Variants in KMT2A observed in about 807,000 individuals in gnomAD.
KMT2A encodes lysine methyltransferase 2A.
In KMT2A, 16 loss-of-function variants were observed where a neutral mutation model predicts 345.3. The observed-to-expected ratio is 0.05, with a 90% CI of 0.03 to 0.07. The LOEUF (loss-of-function observed/expected upper bound fraction) is 0.07. Ranked by LOEUF, KMT2A falls within the 10% of genes least tolerant of loss-of-function variation. The probability of loss-of-function intolerance (pLI) is 1.00; values close to 1 mark genes in which losing one functional copy is unlikely to be tolerated. For missense variants in KMT2A, 3,272 were observed against 4,841.6 expected, an observed-to-expected ratio of 0.68 and a Z score of 9.62; for synonymous variants, 1,599 against 1,778.6, an observed-to-expected ratio of 0.90 and a Z score of 2.54.
Position 118,476,083 on chromosome 11 carries a change from T to G in KMT2A, c.3157-722T>G, listed in dbSNP as rs181901354. On this transcript the variant is annotated intron_variant, in intron 3 of 35. Coordinates refer to ENST00000534358, the MANE Select transcript of KMT2A (RefSeq NM_001197104.2). The surrounding 1 kb of genome is among the most constrained non-coding windows in gnomAD (Gnocchi z 4.1). ...ACCACGCCCAGCTAATTTTGTATTT[T>G]TAGTAGAGACAGGGTTTCTCCATGT... Among the ~76,000 whole-genome samples the G allele has an allele frequency of 1.1e-3, 167 of 152,116 alleles. 2 individuals carry two copies. The highest frequency in any genetic ancestry group is 3.7e-3 in the African/African-American group (153 of 41,508).
At position 118,525,460 on chromosome 11, in the gene KMT2A, A is replaced by G; in HGVS notation, c.*3288A>G. The stretch of plus-strand genomic sequence containing the variant: ...CAGCCCCTCTGTTTTTACACCAATA[A>G]CAAGAATTAAGGGGGAAGCCCTGGC... On this transcript the variant is annotated 3_prime_UTR_variant, in exon 36 of 36. Transcript: ENST00000534358. 1 of 227,608 alleles carries G rather than the reference A, an allele frequency of 4.4e-6. No individual in the cohort carries two copies. 14.1% of individuals were successfully genotyped at this position (227,608 alleles called of 1,614,324 possible).
At chr11:118,455,706 A>AT (rs1254101156) in intron 1 of KMT2A, among the ~76,000 whole-genome samples, 25 of 144,168 alleles carry the variant, frequency 1.7e-4, no homozygotes, top group African/African-American at 2.6e-4. Flanking sequence ...TTATTTATTT[A>AT]TTTTTTTTTG....
In KMT2A at chr11:118,521,804, G is replaced by A. The variant is rs782249194; in HGVS notation, c.11644-93G>A. ...TTTACTAGAAGAAACTTTCTCAGCC[G>A]CTATAGGTAACATCAAGAGAAGATT... On this transcript the variant is annotated intron_variant, in intron 35 of 35. Coordinates refer to ENST00000534358, the MANE Select transcript of KMT2A (RefSeq NM_001197104.2). This position sits in a 1 kb window ranked among gnomAD's most constrained non-coding sequence, Gnocchi z 5.3. 5.7e-5 allele frequency: 76 copies of A among 1,336,682 alleles called. No individual in the cohort carries two copies. The highest frequency in any genetic ancestry group is 6.8e-5 in the Non-Finnish European group (66 of 967,400). 82.8% of individuals were successfully genotyped at this position (1,336,682 alleles called of 1,614,324 possible). A position where few individuals can be genotyped will look rare whatever the true frequency, so the allele number is the denominator to read the frequency against.
intron 1 of KMT2A, among the ~76,000 whole-genome samples, chr11:118,454,539 T>C (rs1555030077): frequency 6.6e-6 from 1 of 152,236 alleles, no homozygotes; most frequent in Admixed American, 6.5e-5. Flanking sequence ...TACTCCACTC[T>C]GTTGTTGTAA....
At position 118,504,852 on chromosome 11, in the gene KMT2A, C is replaced by A; in HGVS notation, c.8960C>A (p.Thr2987Asn). 6.2e-7 allele frequency: 1 copy of A among 1,614,212 alleles called. No individual in the cohort carries two copies. Among genetic ancestry groups the A allele is most frequent in the Non-Finnish European group, 8.5e-7 (1 of 1,180,038 alleles). Residue 2987 changes from threonine to asparagine, a missense_variant, in exon 27 of 36, where the codon ACT becomes AAT. Physicochemically the swap from Thr to Asn is moderately conservative, Grantham distance 65 (BLOSUM62 0). Transcript: ENST00000534358. The surrounding 1 kb of genome is among the most constrained non-coding windows in gnomAD (Gnocchi z 6.4). ...CTGCTGAGCCCAGGAGTAGATCCAA[C>A]TCCTGAAGGCCACATGACTCCTGAT... Reference protein sequence around the residue: ...PALLSPGVDPTPEGHMTPDHF... With the variant: ...PALLSPGVDPNPEGHMTPDHF...
chr11:118,496,016 T>A lies in KMT2A; in HGVS notation c.5557+123T>A. On this transcript the variant is annotated intron_variant, in intron 19 of 35. Transcript: ENST00000534358. The surrounding 1 kb of genome is among the most constrained non-coding windows in gnomAD (Gnocchi z 4.7). ...CAGAAAGGAATTTTCAGGTCATCCT[T>A]AAATGTAATACCATCATTAATTTTG... The A allele has an allele frequency of 1.1e-6, 1 of 887,544 alleles. No individual in the cohort carries two copies. Among genetic ancestry groups the A allele is most frequent in the Non-Finnish European group, 1.8e-6 (1 of 566,194 alleles). The allele number at this position is 887,544 out of a possible 1,614,324, so 55.0% of individuals were successfully genotyped here. A position where few individuals can be genotyped will look rare whatever the true frequency, so the allele number is the denominator to read the frequency against.
In KMT2A at chr11:118,472,748, G is replaced by T. The variant is rs1555036085; in HGVS notation, c.1589G>T (p.Arg530Met). The change falls in exon 3 of 36, where the codon AGG becomes ATG. Residue 530 changes from arginine to methionine, a missense_variant. Around this residue, in one of 27 missense-constraint regions of KMT2A, gnomAD observed 180 missense variants for 190.7 expected, o/e 0.94. Transcript: ENST00000534358. ...GAGAGTAATGATAGGAGAAGCAGAA[G>T]GTATTCAGTGTCGGAGAGAAGTTTT... ...ENESNDRRSR[R>M]YSVSERSFGS... 1.9e-6 allele frequency: 3 copies of T among 1,613,620 alleles called. No individual in the cohort carries two copies. The highest frequency in any genetic ancestry group is 2.5e-6 in the Non-Finnish European group (3 of 1,179,940).
rs782414402 is a variant in KMT2A at position 118,436,747 on chromosome 11, G to T, written c.235G>T (p.Ala79Ser). 1 of 1,588,174 alleles carries T rather than the reference G, an allele frequency of 6.3e-7. No homozygotes were observed. Among genetic ancestry groups the T allele is most frequent in the East Asian group, 2.4e-5 (1 of 42,398 alleles). The change falls in exon 1 of 36, where the codon GCC (alanine) becomes TCC (serine). Residue 79 changes from alanine to serine, a missense_variant. Ala to Ser is a moderately conservative substitution (Grantham distance 99). This residue lies in a region of KMT2A where 412 missense variants were observed against 511.0 expected (regional missense o/e 0.81). Transcript: ENST00000534358. The surrounding 1 kb of genome is among the most constrained non-coding windows in gnomAD (Gnocchi z 6.9). ...SSGAGVPGGA[A>S]AASAASSSSA... ...CGGGGCTGGGGTTCCAGGGGGAGCG[G>T]CCGCCGCCTCAGCAGCCTCCTCGTC...
chr11:118,503,255 G>T lies in KMT2A; in HGVS notation c.7363G>T (p.Val2455Leu). ...SSKSFLEPGQ[V>L]TTGEEGNLKP... ...TAAATCTTTTTTGGAACCTGGTCAG[G>T]TGACAACTGGTGAGGAAGGAAACTT... Residue 2455 changes from valine (V) to leucine (L), a missense_variant, in exon 27 of 36, where the codon GTG (valine) becomes TTG (leucine). Val to Leu is a conservative substitution (Grantham distance 32, BLOSUM62 1). This residue lies in a region of KMT2A where 445 missense variants were observed against 500.9 expected (regional missense o/e 0.89). Transcript: ENST00000534358. The surrounding 1 kb of genome is among the most constrained non-coding windows in gnomAD (Gnocchi z 5.3). 6.2e-7 allele frequency: 1 copy of T among 1,614,132 alleles called. No homozygotes were observed. The highest frequency in any genetic ancestry group is 8.5e-7 in the Non-Finnish European group (1 of 1,180,030).
chr11:118,491,630 C>A lies in KMT2A; in HGVS notation c.4820-114C>A. On this transcript the variant is annotated intron_variant, in intron 14 of 35. Coordinates refer to ENST00000534358, the MANE Select transcript of KMT2A (RefSeq NM_001197104.2). The surrounding 1 kb of genome is among the most constrained non-coding windows in gnomAD (Gnocchi z 4.2). ...GTCATATCCATGAGGACATTAAAAT[C>A]TTAATGTGGTTCCCAACATATGGCT... The A allele has an allele frequency of 1.2e-6, 1 of 812,704 alleles. No individual in the cohort carries two copies. Among genetic ancestry groups the A allele is most frequent in the Non-Finnish European group, 1.9e-6 (1 of 528,268 alleles). 50.3% of individuals were successfully genotyped at this position (812,704 alleles called of 1,614,324 possible).
chr11:118,481,672 A>G, intron 6 of KMT2A, 43 bp from the exon 7 acceptor site: 3 of 1,543,992 alleles, frequency 1.9e-6, no homozygotes, highest in Non-Finnish European at 2.6e-6. Context: ...AAATAAAATT[A>G]TTCTCACTAT....
rs782099821 is a variant in KMT2A at position 118,476,342 on chromosome 11, A to T, written c.3157-463A>T. On this transcript the variant is annotated intron_variant, in intron 3 of 35. Coordinates refer to ENST00000534358, the MANE Select transcript of KMT2A (RefSeq NM_001197104.2). The surrounding 1 kb of genome is among the most constrained non-coding windows in gnomAD (Gnocchi z 4.1). ...ACTGGCAGCTTGAATTTTGAGGGGA[A>T]TTTAAAATAGTAGTATAATTGGGAA... Among the ~76,000 whole-genome samples, 8 of 152,204 alleles carry T rather than the reference A, an allele frequency of 5.3e-5. No individual in the cohort carries two copies. The highest frequency in any genetic ancestry group is 7.3e-5 in the Non-Finnish European group (5 of 68,042).
In KMT2A at chr11:118,476,828, G is replaced by T. The variant is rs782157422; in HGVS notation, c.3180G>T (p.Glu1060Asp). Residue 1060 changes from glutamate to aspartate, a missense_variant, in exon 4 of 36, where the codon GAG (glutamate) becomes GAT (aspartate). By Grantham distance (45) the Glu-to-Asp change is conservative. Transcript: ENST00000534358. This position sits in a 1 kb window ranked among gnomAD's most constrained non-coding sequence, Gnocchi z 4.1. The stretch of plus-strand genomic sequence containing the variant: ...AGGGTCAAGAAAGTGACTCATCAGA[G>T]ACCTCTGTGCGAGGACCCCGGATTA... ...KAQGQESDSS[E>D]TSVRGPRIKH... is the part of the protein sequence containing the mutation. 5.0e-6 allele frequency: 8 copies of T among 1,611,118 alleles called. No individual in the cohort carries two copies. Among genetic ancestry groups the T allele is most frequent in the South Asian group, 1.1e-5 (1 of 91,020 alleles).
rs1468409264 is a variant in KMT2A at position 118,509,809 on chromosome 11, T to G, written c.10901-139T>G. 9.8e-6 allele frequency: 6 copies of G among 613,400 alleles called. No individual in the cohort carries two copies. The African/African-American group carries it at 1.1e-4, about 12-fold the overall frequency. 38.0% of individuals were successfully genotyped at this position (613,400 alleles called of 1,614,324 possible). On this transcript the variant is annotated intron_variant, in intron 29 of 35. Coordinates refer to ENST00000534358, the MANE Select transcript of KMT2A (RefSeq NM_001197104.2). Reference sequence around the variant, plus strand: ...AGGCAAGCTCTTTGAGTCTTGGGTTTGTTATCTATAAATGGGAATAATAAA... The same window carrying G: ...AGGCAAGCTCTTTGAGTCTTGGGTTGGTTATCTATAAATGGGAATAATAAA...
Position 118,447,667 on chromosome 11 carries a change from C to A in KMT2A, c.432+10723C>A, listed in dbSNP as rs1393576080. ...GGATGAGGAGACCTTGGAGACGGTT[C>A]TGAGGAGACTCAAAAGATGATTATA... is the stretch of plus-strand genomic sequence containing the variant. On this transcript the variant is annotated intron_variant, in intron 1 of 35. Coordinates refer to ENST00000534358, the MANE Select transcript of KMT2A (RefSeq NM_001197104.2). The A allele has an allele frequency of 6.6e-6, 3 of 453,026 alleles. No homozygotes were observed. In the East Asian group the frequency reaches 2.1e-4, roughly 32 times the overall value. 28.1% of individuals were successfully genotyped at this position (453,026 alleles called of 1,614,324 possible).
chr11:118,513,855 T>C (rs1406461293), intron 31 of KMT2A, among the ~76,000 whole-genome samples: 5 of 149,978 alleles, frequency 3.3e-5, no homozygotes, highest in African/African-American at 1.2e-4. Flanking sequence ...GAGGAGCGCA[T>C]TGAGCCTGGG....
intron 1 of KMT2A, chr11:118,439,231 G>C (rs183087916): frequency 2.6e-6 from 1 of 381,366 alleles, no homozygotes; most frequent in African/African-American, 2.1e-5. Context: ...ATTGAGACTT[G>C]CCTGGTTATA....
At chr11:118,477,394 G>A (rs1555037812) in intron 4 of KMT2A, among the ~76,000 whole-genome samples, 1 of 150,502 alleles carries the variant, frequency 6.6e-6, no homozygotes, top group African/African-American at 2.4e-5. Flanking sequence ...AAATTTAGAG[G>A]TTTGAAGAAT....
chr11:118,463,375 G>A (rs1401755369), intron 1 of KMT2A, among the ~76,000 whole-genome samples: 1 of 152,216 alleles, frequency 6.6e-6, no homozygotes, highest in Non-Finnish European at 1.5e-5. Context: ...TAAAATGCGT[G>A]TATTTAGCAA....
Sources: allele counts gnomAD v4.1 joint callset (sites outside exome capture counted in the v4.1 genomes callset), GRCh38; gene constraint gnomAD v4.1.1; regional missense constraint gnomAD v4.1.1; non-coding constraint Gnocchi (gnomAD v3.1); transcripts MANE v1.5; gene names NCBI Gene and HGNC (gene_info 2026-07-23, HGNC 2026-07-21).